Variants in ARHGAP21 observed in about 807,000 individuals in gnomAD.
ARHGAP21 encodes the protein Rho GTPase activating protein 21, also known as rho GTPase-activating protein 21.
In ARHGAP21, 38 loss-of-function variants were observed where a neutral mutation model predicts 164.6. The observed-to-expected ratio is 0.23, with a 90% CI of 0.18 to 0.30. The LOEUF is 0.30. Among genes scored for constraint, ARHGAP21 ranks in the 10% least tolerant of loss-of-function variants. The pLI is 1.00. For synonymous variants in ARHGAP21, 766 were observed against 857.9 expected (o/e 0.89, Z 1.87); for missense variants, 1,822 against 2,370.7 (o/e 0.77, Z 4.81).
intron 2 of ARHGAP21, among the ~76,000 whole-genome samples, chr10:24,703,640 CT>C (rs1475379705): frequency 6.6e-5 from 10 of 152,174 alleles, no homozygotes; most frequent in African/African-American, 2.4e-4. Flanking sequence ...AGTATGCAAC[CT>C]GAGAAACATG....
chr10:24,721,721 G>T, intron 2 of ARHGAP21, 116 bp downstream of exon 2: 1 of 1,234,434 alleles, frequency 8.1e-7, no homozygotes, highest in Non-Finnish European at 1.2e-6. Flanking sequence ...CCGCCAACAG[G>T]CTCAAAGCCC....
intron 2 of ARHGAP21, among the ~76,000 whole-genome samples, chr10:24,677,152 G>A (rs1198603216): frequency 6.6e-6 from 1 of 152,124 alleles, no homozygotes; most frequent in South Asian, 2.1e-4. Context: ...CCCAGGAGGC[G>A]GAGGTTGCAG....
At chr10:24,623,338 G>T (rs1427491785) in intron 7 of ARHGAP21, among the ~76,000 whole-genome samples, 2 of 152,080 alleles carry the variant, frequency 1.3e-5, no homozygotes, top group Non-Finnish European at 2.9e-5. Flanking sequence ...TTGTACTATT[G>T]TATTAGTTTG....
At chr10:24,608,040 A>G (rs1414975702) in intron 9 of ARHGAP21, 137 bp from the exon 10 acceptor site, 1 of 673,584 alleles carries the variant, frequency 1.5e-6, no homozygotes, top group Admixed American at 3.6e-5. Flanking sequence ...TAAATGACCT[A>G]TTCAGTCTGC....
At position 24,584,856 on chromosome 10, in the gene ARHGAP21, G is replaced by C; in HGVS notation, c.5433C>G (p.Thr1811=). 6.2e-7 allele frequency: 1 copy of C among 1,613,896 alleles called. No individual in the cohort carries two copies. The change falls in exon 26 of 26, where the codon ACC becomes ACG. Residue 1811 remains threonine, a synonymous_variant. Coordinates refer to ENST00000396432, the MANE Select transcript of ARHGAP21 (RefSeq NM_020824.4). ...RHTLGGHRDA[T]EISVLNFWKV... ...TCCAAAAATTCAAAACGCTGATTTC[G>C]GTAGCATCTCTGTGCCCTCCTAGTG...
chr10:24,647,949 T>C (rs1837740256), intron 4 of ARHGAP21, among the ~76,000 whole-genome samples: 1 of 152,180 alleles, frequency 6.6e-6, no homozygotes, highest in Admixed American at 6.6e-5. Flanking sequence ...GTGATTCTCC[T>C]GCCTCAGCCT....
intron 2 of ARHGAP21, among the ~76,000 whole-genome samples, chr10:24,708,292 C>T (rs949305186): frequency 4.6e-5 from 7 of 152,118 alleles, no homozygotes; most frequent in Admixed American, 1.3e-4. Flanking sequence ...CCTCAATGAC[C>T]TCATCAACTC....
chr10:24,628,860 C>T (rs12257056), intron 7 of ARHGAP21, among the ~76,000 whole-genome samples: 8 of 127,432 alleles, frequency 6.3e-5, no homozygotes, highest in Non-Finnish European at 9.7e-5. Context: ...CATATATATA[C>T]ACATATATAC....
At chr10:24,603,427 T>C (rs1054156855) in intron 12 of ARHGAP21, among the ~76,000 whole-genome samples, 6 of 152,176 alleles carry the variant, frequency 3.9e-5, no homozygotes, top group Admixed American at 6.5e-5. Context: ...GTAGAAACTA[T>C]AGTTTTTTCA....
rs767999340 is a variant in ARHGAP21 at position 24,620,376 on chromosome 10, C to T, written c.1519G>A (p.Glu507Lys). 11 of 1,613,542 alleles carry T rather than the reference C, an allele frequency of 6.8e-6. No homozygotes were observed. The East Asian group carries it at 2.2e-4, about 33-fold the overall frequency. ...ATTGGAGTTCCAGAATTGACATTTT[C>T]TAAGGTTTCATCCTGTCCCTCAATA... ...DYIEGQDETLENVNSGTPIPD... is the reference protein window; with the variant it reads ...DYIEGQDETLKNVNSGTPIPD... The change falls in exon 9 of 26, where the codon GAA becomes AAA. Residue 507 changes from glutamate to lysine, a missense_variant. Around this residue, in one of 5 missense-constraint regions of ARHGAP21, gnomAD observed 1,090 missense variants for 1,378.9 expected, o/e 0.79. Transcript: ENST00000396432.
At chr10:24,699,622 G>C (rs1241351392) in intron 2 of ARHGAP21, among the ~76,000 whole-genome samples, 2 of 152,106 alleles carry the variant, frequency 1.3e-5, no homozygotes, top group Non-Finnish European at 2.9e-5. Flanking sequence ...ACCGTGCCCG[G>C]CCTAGAATTA....
chr10:24,628,950 C>CTATATATATAT (rs1565054194), intron 7 of ARHGAP21: 1 of 53,550 alleles, frequency 1.9e-5, no homozygotes. Flanking sequence ...TACACACACA[C>CTATATATATAT]ACTATATATA....
chr10:24,586,502 G>C (rs2076108490), intron 25 of ARHGAP21, among the ~76,000 whole-genome samples: 1 of 152,062 alleles, frequency 6.6e-6, no homozygotes, highest in Non-Finnish European at 1.5e-5. Flanking sequence ...TTGTGACACG[G>C]TCAAACATCA....
At chr10:24,650,834 T>G (rs568215276) in intron 4 of ARHGAP21, among the ~76,000 whole-genome samples, 1 of 152,268 alleles carries the variant, frequency 6.6e-6, no homozygotes, top group East Asian at 1.9e-4. Context: ...TCCAAATAGA[T>G]GGAAATCCAG....
chr10:24,662,186 A>G (rs1358576089), intron 4 of ARHGAP21, among the ~76,000 whole-genome samples: 1 of 152,238 alleles, frequency 6.6e-6, no homozygotes, highest in Non-Finnish European at 1.5e-5. Flanking sequence ...AATTAATTTC[A>G]TAACATACTA....
At chr10:24,657,150 G>A (rs1179883452) in intron 4 of ARHGAP21, among the ~76,000 whole-genome samples, 1 of 28,792 alleles carries the variant, frequency 3.5e-5, no homozygotes, top group Admixed American at 2.3e-4. Context: ...CCGGCCAGCC[G>A]CCCCGTCCGG....
At chr10:24,628,890 T>TACATACATATATATACACATATAA (rs1565053723) in intron 7 of ARHGAP21, 1 of 102,546 alleles carries the variant, frequency 9.8e-6, no homozygotes. Flanking sequence ...TACACATATA[T>TACATACATATATATACACATATAA]ATACATACAT....
At chr10:24,652,907 G>C (rs970767908) in intron 4 of ARHGAP21, among the ~76,000 whole-genome samples, 2 of 152,114 alleles carry the variant, frequency 1.3e-5, no homozygotes, top group African/African-American at 4.8e-5. Context: ...GCAATGCCTA[G>C]ATATACATAC....
At chr10:24,651,402 T>C (rs1838148588) in intron 4 of ARHGAP21, among the ~76,000 whole-genome samples, 1 of 152,168 alleles carries the variant, frequency 6.6e-6, no homozygotes, top group Non-Finnish European at 1.5e-5. Flanking sequence ...TTTTCCCCTG[T>C]CCTCTCTTGC....
Sources: allele counts gnomAD v4.1 joint callset (sites outside exome capture counted in the v4.1 genomes callset), GRCh38; gene constraint gnomAD v4.1.1; regional missense constraint gnomAD v4.1.1; transcripts MANE v1.5; gene names NCBI Gene and HGNC (gene_info 2026-07-23, HGNC 2026-07-21).